The following PIBF1 variants were observed in gnomAD, a reference collection of about 807,000 sequenced individuals.
PIBF1 encodes progesterone-induced-blocking factor 1.
A neutral mutation model predicts 112.5 loss-of-function variants in PIBF1; 90 were observed. That is an observed-to-expected ratio of 0.80 (90% CI 0.67 to 0.95). PIBF1 has a LOEUF of 0.95. Ranked by LOEUF, PIBF1 falls within the 40% of genes least tolerant of loss-of-function variation. The pLI, the probability that PIBF1 is intolerant of heterozygous loss-of-function variation, is 0.00. For synonymous variants in PIBF1, 301 were observed against 288.6 expected (o/e 1.04, Z -0.44); for missense variants, 915 against 852.3 (o/e 1.07, Z -0.92).
At position 72,908,627 on chromosome 13, in the gene PIBF1, A is replaced by G; in HGVS notation, c.1585A>G (p.Ile529Val). The G allele has an allele frequency of 6.2e-7, 1 of 1,613,574 alleles. No homozygotes were observed. The highest frequency in any genetic ancestry group is 1.7e-5 in the Admixed American group (1 of 59,998). Residue 529 changes from isoleucine (I) to valine (V), a missense_variant, in exon 12 of 18, where the codon ATT becomes GTT. Physicochemically the swap from Ile to Val is conservative, Grantham distance 29. Transcript: ENST00000326291. ...QNSEHQARLD[I>V]YEKLEKELDE... The stretch of plus-strand genomic sequence containing the variant: ...CTCAGAGCATCAAGCAAGGCTAGAC[A>G]TTTATGAGAAACTGGAAAAAGAGCT...
rs1203772419 is a variant in PIBF1 at position 72,950,546 on chromosome 13, T to A, written c.1834-14728T>A. On this transcript the variant is annotated intron_variant, in intron 14 of 17. Coordinates refer to ENST00000326291, the MANE Select transcript of PIBF1 (RefSeq NM_006346.4). ...GCTTTTTATACACAGAGCACTTGCCTTAGAATAACTTATAAAAGTAGTGTT... is the reference window on the plus strand; with the variant it reads ...GCTTTTTATACACAGAGCACTTGCCATAGAATAACTTATAAAAGTAGTGTT... Among the ~76,000 whole-genome samples, 2 of 152,222 alleles carry A rather than the reference T, an allele frequency of 1.3e-5. 1 individual carries two copies. The highest frequency in any genetic ancestry group is 2.9e-5 in the Non-Finnish European group (2 of 68,028).
In PIBF1 at chr13:72,842,690, GCAAA is replaced by G. The variant is rs201127626; in HGVS notation, c.1223+7332_1223+7335del. Among the ~76,000 whole-genome samples, 6 of 152,304 alleles carry G rather than the reference GCAAA, an allele frequency of 3.9e-5. No individual in the cohort carries two copies. The East Asian group carries it at 5.8e-4, about 15-fold the overall frequency. On this transcript the variant is annotated intron_variant, in intron 9 of 17. Transcript: ENST00000326291. ...AGTGTATGTCCTCATTAGTGCTTAAGCAAACAAACAAACTTCTTTTGTTCATATC... is the reference window on the plus strand; with the variant it reads ...AGTGTATGTCCTCATTAGTGCTTAAGCAAACAAACTTCTTTTGTTCATATC...
chr13:72,985,308 A>T (rs747132728), intron 16 of PIBF1, among the ~76,000 whole-genome samples: 4 of 149,080 alleles, frequency 2.7e-5, no homozygotes, highest in Non-Finnish European at 5.9e-5. Flanking sequence ...CAGGGGGATC[A>T]CGAGGTCAGG....
chr13:72,811,019 G>A (rs538679454), intron 5 of PIBF1, among the ~76,000 whole-genome samples: 126 of 152,146 alleles, frequency 8.3e-4, no homozygotes, highest in African/African-American at 3.0e-3. Context: ...GCCACTCCCG[G>A]CTAATTTTTT....
At chr13:72,828,058 A>G (rs1374067932) in intron 8 of PIBF1, 144 bp downstream of exon 8, 9 of 356,306 alleles carry the variant, frequency 2.5e-5, no homozygotes, top group Non-Finnish European at 4.3e-5. Flanking sequence ...ATTTTATTTT[A>G]TTTTATTTTA....
At chr13:72,854,212 A>T in intron 10 of PIBF1, 57 bp downstream of exon 10, 1 of 1,094,194 alleles carries the variant, frequency 9.1e-7, no homozygotes, top group Non-Finnish European at 1.4e-6. Context: ...TCTGTTACAT[A>T]TTCTTTTAGA....
rs535778463 is a variant in PIBF1 at position 72,918,937 on chromosome 13, C to T, written c.1730+1771C>T. On this transcript the variant is annotated intron_variant, in intron 13 of 17. Transcript: ENST00000326291. ...CAGGCTGGTCTCAAACTCCTGACCTCAAGTGATCCACCCACCTCGGCCTCC... is the reference window on the plus strand; with the variant it reads ...CAGGCTGGTCTCAAACTCCTGACCTTAAGTGATCCACCCACCTCGGCCTCC... Among the ~76,000 whole-genome samples, 3 of 152,204 alleles carry T rather than the reference C, an allele frequency of 2.0e-5. 1 individual carries two copies. In the South Asian group the frequency reaches 6.2e-4, roughly 32 times the overall value.
At chr13:72,992,373 G>A (rs965075456) in intron 16 of PIBF1, among the ~76,000 whole-genome samples, 1 of 152,168 alleles carries the variant, frequency 6.6e-6, no homozygotes, top group Non-Finnish European at 1.5e-5. Flanking sequence ...CCAGGCCTAG[G>A]CTAGAACTGC....
At chr13:73,012,574 C>CA (rs2044234788) in intron 17 of PIBF1, among the ~76,000 whole-genome samples, 5 of 137,728 alleles carry the variant, frequency 3.6e-5, no homozygotes, top group East Asian at 2.1e-4. Context: ...CACACACACA[C>CA]CAAAAAAAAC....
At chr13:72,809,663 C>G (rs1409263358) in intron 5 of PIBF1, among the ~76,000 whole-genome samples, 1 of 138,990 alleles carries the variant, frequency 7.2e-6, no homozygotes, top group African/African-American at 2.7e-5. Context: ...GATTTTGGCT[C>G]ACTGCAACCT....
At chr13:72,801,635 TC>T (rs143752242) in intron 5 of PIBF1, among the ~76,000 whole-genome samples, 3,311 of 152,334 alleles carry the variant, frequency 0.022, 132 homozygotes, top group African/African-American at 0.075. Flanking sequence ...TCCTGGCTAT[TC>T]TGGTAAACTC....
chr13:72,956,518 A>G (rs1420652022), intron 14 of PIBF1, among the ~76,000 whole-genome samples: 1 of 152,156 alleles, frequency 6.6e-6, no homozygotes, highest in Admixed American at 6.6e-5. Context: ...TGACCTCTGA[A>G]TGGCCAGCAT....
At chr13:72,785,242 T>C (rs1238712977) in intron 2 of PIBF1, among the ~76,000 whole-genome samples, 1 of 152,240 alleles carries the variant, frequency 6.6e-6, no homozygotes, top group East Asian at 1.9e-4. Flanking sequence ...CATCCTTATC[T>C]GTTTCATCCC....
At chr13:72,784,487 G>A (rs1277660302) in intron 2 of PIBF1, among the ~76,000 whole-genome samples, 1 of 151,518 alleles carries the variant, frequency 6.6e-6, no homozygotes, top group African/African-American at 2.4e-5. Context: ...GGCCAAGTGC[G>A]GTGGCTCACA....
intron 9 of PIBF1, among the ~76,000 whole-genome samples, chr13:72,844,789 A>ACGCACACG (rs1240167613): frequency 1.3e-4 from 15 of 119,562 alleles, no homozygotes; most frequent in African/African-American, 5.0e-4. Flanking sequence ...ACACACACAC[A>ACGCACACG]CACACACACA....
At chr13:72,925,492 C>A (rs990755083) in intron 13 of PIBF1, among the ~76,000 whole-genome samples, 1 of 150,660 alleles carries the variant, frequency 6.6e-6, no homozygotes. Context: ...TTTTTTCTTC[C>A]ATTCTGCAGA....
intron 16 of PIBF1, among the ~76,000 whole-genome samples, chr13:72,997,533 A>G (rs1389508469): frequency 2.0e-5 from 3 of 152,186 alleles, no homozygotes; most frequent in Non-Finnish European, 4.4e-5. Context: ...CCTAAAATCT[A>G]TTAAGGTTAT....
At chr13:72,879,595 TG>T (rs1394475598) in intron 10 of PIBF1, among the ~76,000 whole-genome samples, 1 of 152,182 alleles carries the variant, frequency 6.6e-6, no homozygotes, top group African/African-American at 2.4e-5. Context: ...TGTAATACCT[TG>T]GGAATAAAAG....
chr13:72,877,327 T>C (rs1440514215), intron 10 of PIBF1, among the ~76,000 whole-genome samples: 1 of 152,166 alleles, frequency 6.6e-6, no homozygotes, highest in African/African-American at 2.4e-5. Context: ...ATGAGAGATG[T>C]TGGTCTCTTG....
Sources: gnomAD v4.1 joint callset for allele counts (sites outside exome capture counted in the v4.1 genomes callset) on GRCh38, gnomAD v4.1.1 for gene constraint, MANE v1.5 for transcripts, NCBI Gene and HGNC (gene_info 2026-07-23, HGNC 2026-07-21) for gene names.